Variants in MUC22 observed in about 807,000 individuals in gnomAD.
MUC22 encodes mucin 22.
In MUC22, 24 loss-of-function variants were observed where a neutral mutation model predicts 40.3. That is an observed-to-expected ratio of 0.60 (90% CI 0.43 to 0.84). The LOEUF (loss-of-function observed/expected upper bound fraction) is 0.84. MUC22 is among the 40% of genes least tolerant of loss of function. MUC22 has a pLI of 0.00. For missense variants in MUC22, 1,926 were observed against 2,130.7 expected (o/e 0.90, Z 1.89); for synonymous variants, 765 against 844.5 (o/e 0.91, Z 1.63).
chr6:31,007,284 C>T (rs1436130193), upstream of MUC22, among the ~76,000 whole-genome samples: 1 of 152,192 alleles, frequency 6.6e-6, no homozygotes, highest in African/African-American at 2.4e-5. This position sits in a 1 kb window ranked among gnomAD's most constrained non-coding sequence, Gnocchi z 4.0. Context: ...CAAATGGTGG[C>T]TCCAGATAGC....
At position 31,011,624 on chromosome 6, in the gene MUC22, T is replaced by C. The variant is rs1763873605; in HGVS notation, c.70+848T>C. 6.6e-6 allele frequency among the ~76,000 whole-genome samples: 1 copy of C among 152,216 alleles called. No individual in the cohort carries two copies. Among genetic ancestry groups the C allele is most frequent in the Non-Finnish European group, 1.5e-5 (1 of 68,038 alleles). On this transcript the variant is annotated intron_variant, in intron 1 of 3. Transcript: ENST00000561890. The surrounding 1 kb of genome is among the most constrained non-coding windows in gnomAD (Gnocchi z 4.5). ...GCATTTGGGTTCCATGACTTTGCAA[T>C]TGTGAATTGTGCTGCTATAAACATG... is the stretch of plus-strand genomic sequence containing the variant.
At chr6:31,018,155 C>A (rs1281774388) in intron 1 of MUC22, among the ~76,000 whole-genome samples, 1 of 152,250 alleles carries the variant, frequency 6.6e-6, no homozygotes, top group East Asian at 1.9e-4. Context: ...TTCACTCCTG[C>A]CTTCAGCAGT....
chr6:31,021,891 T>C (rs765210222), intron 1 of MUC22, among the ~76,000 whole-genome samples: 1 of 149,954 alleles, frequency 6.7e-6, no homozygotes, highest in Admixed American at 6.7e-5. Context: ...CTCTTTGCAA[T>C]AGATTTTGCT....
intron 1 of MUC22, among the ~76,000 whole-genome samples, chr6:31,015,282 T>C (rs1392246780): frequency 1.3e-5 from 2 of 152,078 alleles, no homozygotes. Context: ...AGGTCCTGTC[T>C]CTCCCTAGCT....
intron 1 of MUC22, among the ~76,000 whole-genome samples, chr6:31,014,181 T>C (rs1764039807): frequency 6.6e-6 from 1 of 152,076 alleles, no homozygotes; most frequent in African/African-American, 2.4e-5. Context: ...GTGATGACCA[T>C]CCGTTCTTGT....
intron 1 of MUC22, among the ~76,000 whole-genome samples, chr6:31,017,965 GCA>G (rs1562581586): frequency 6.6e-6 from 1 of 152,202 alleles, no homozygotes. Flanking sequence ...GCGAAAATCT[GCA>G]GTTTCACTCC....
chr6:31,021,954 A>G (rs1055753198), intron 1 of MUC22, among the ~76,000 whole-genome samples: 2 of 152,224 alleles, frequency 1.3e-5, no homozygotes, highest in Admixed American at 6.5e-5. Context: ...CACTCACCGT[A>G]AAGGTCTGCA....
Position 31,032,972 on chromosome 6 carries a change from C to T in MUC22, c.5055+391C>T, listed in dbSNP as rs1581676916. On this transcript the variant is annotated intron_variant, in intron 3 of 3. Coordinates refer to ENST00000561890, the Ensembl canonical transcript of MUC22. This position sits in a 1 kb window ranked among gnomAD's most constrained non-coding sequence, Gnocchi z 4.1. ...CTTGAGTCCAGGCATTTGAGACCAG[C>T]CTGGCCAACATGGTGAAACTTGTCT... Among the ~76,000 whole-genome samples the T allele has an allele frequency of 4.6e-5, 7 of 152,248 alleles. 1 individual carries two copies. The highest frequency in any genetic ancestry group is 4.6e-4 in the Admixed American group (7 of 15,294).
At chr6:31,018,108 G>T (rs9394027) in intron 1 of MUC22, among the ~76,000 whole-genome samples, 1 of 152,166 alleles carries the variant, frequency 6.6e-6, no homozygotes, top group South Asian at 2.1e-4. Context: ...CTTCATTGTT[G>T]AAGTCAGACC....
exon 2 of MUC22, chr6:31,028,373 G>A (rs979631714): frequency 3.3e-6 from 5 of 1,532,740 alleles, no homozygotes; most frequent in Non-Finnish European, 4.4e-6. Flanking sequence ...TCCATCACAG[G>A]CTCTGAGACC....
At chr6:31,024,870 T>C (rs1195604812) in intron 1 of MUC22, among the ~76,000 whole-genome samples, 3 of 55,588 alleles carry the variant, frequency 5.4e-5, no homozygotes, top group Admixed American at 1.7e-4. Context: ...TGCTGCCTTC[T>C]TTTTTTTTTT....
At chr6:31,029,497 A>G (rs1161561707) in exon 2 of MUC22, 2 of 1,534,614 alleles carry the variant, frequency 1.3e-6, no homozygotes, top group South Asian at 1.2e-5. Context: ...CTCTGAGACC[A>G]CAACAGTCTA....
chr6:31,027,410 T>C (rs62399443), exon 2 of MUC22: 182,306 of 1,516,218 alleles, frequency 0.12, 13,048 homozygotes, highest in Admixed American at 0.17. Flanking sequence ...ACAGTTTCTA[T>C]CACAGACTCA....
exon 2 of MUC22, chr6:31,029,721 T>G: frequency 6.6e-7 from 1 of 1,524,438 alleles, no homozygotes; most frequent in Non-Finnish European, 8.7e-7. Flanking sequence ...CCACCTCTAC[T>G]GAAGGCTCTG....
upstream of MUC22, among the ~76,000 whole-genome samples, chr6:31,007,854 G>A (rs1366548921): frequency 6.6e-6 from 1 of 152,060 alleles, no homozygotes; most frequent in East Asian, 1.9e-4. This position sits in a 1 kb window ranked among gnomAD's most constrained non-coding sequence, Gnocchi z 4.0. Flanking sequence ...ACTCTCCAAG[G>A]AGGCATTTAA....
intron 1 of MUC22, among the ~76,000 whole-genome samples, chr6:31,022,075 T>C (rs2150770035): frequency 6.6e-6 from 1 of 152,036 alleles, no homozygotes; most frequent in Admixed American, 6.5e-5. Flanking sequence ...GCAGCTTCAC[T>C]CATGAGCCAG....
upstream of MUC22, among the ~76,000 whole-genome samples, chr6:31,008,552 C>CTT (rs10632347): frequency 0.13 from 18,772 of 139,924 alleles, 1,410 homozygotes; most frequent in Admixed American, 0.18. Flanking sequence ...CTTTTTCTTT[C>CTT]TTTTTTTTTT....
upstream of MUC22, among the ~76,000 whole-genome samples, chr6:31,009,856 A>G (rs1431397283): frequency 6.6e-6 from 1 of 152,174 alleles, no homozygotes; most frequent in Non-Finnish European, 1.5e-5. Context: ...AGATTGACTC[A>G]GGGAAATGGG....
At chr6:31,030,644 T>A (rs1281897524) in intron 2 of MUC22, among the ~76,000 whole-genome samples, 1 of 151,500 alleles carries the variant, frequency 6.6e-6, no homozygotes, top group Admixed American at 6.6e-5. Flanking sequence ...CACAAGTGCA[T>A]CATATCTGTC....
Sources: gnomAD v4.1 joint callset for allele counts (sites outside exome capture counted in the v4.1 genomes callset) on GRCh38, gnomAD v4.1.1 for gene constraint, Gnocchi (gnomAD v3.1) non-coding constraint, MANE v1.5 for transcripts, NCBI Gene and HGNC (gene_info 2026-07-23, HGNC 2026-07-21) for gene names.